The following TRIOBP variants were observed in gnomAD, a reference collection of about 807,000 sequenced individuals.
TRIOBP encodes TRIO and F-actin binding protein.
TRIOBP carries 169 observed loss-of-function variants against 238.8 expected under a neutral mutation model. The observed-to-expected ratio is 0.71, with a 90% CI of 0.62 to 0.80. The LOEUF (loss-of-function observed/expected upper bound fraction) is 0.80, where lower values mean the gene tolerates loss of function less well. Ranked by LOEUF, TRIOBP falls within the 30% of genes least tolerant of loss-of-function variation. The probability of loss-of-function intolerance (pLI) is 0.00; values close to 1 mark genes in which losing one functional copy is unlikely to be tolerated. For missense variants in TRIOBP, 2,838 were observed against 3,122.6 expected, an observed-to-expected ratio of 0.91 and a Z score of 2.17; for synonymous variants, 1,150 against 1,274.4, an observed-to-expected ratio of 0.90 and a Z score of 2.08.
At chr22:37,729,277 G>A (rs982146443) in intron 7 of TRIOBP, among the ~76,000 whole-genome samples, 3 of 151,478 alleles carry the variant, frequency 2.0e-5, no homozygotes, top group African/African-American at 2.4e-5. Flanking sequence ...GTGCAGTGGC[G>A]TGATCATGGC....
Position 37,775,668 on chromosome 22 carries a change from T to G in TRIOBP, c.*1888T>G, listed in dbSNP as rs1431548091. On this transcript the variant is annotated 3_prime_UTR_variant, in exon 24 of 24. Transcript: ENST00000644935. The stretch of plus-strand genomic sequence containing the variant: ...CAGACGTGGTGCCAAGCACCTGTAA[T>G]CCCAGCTACTCAGGAGGCTGAGGCA... 6.6e-6 allele frequency: 1 copy of G among 152,062 alleles called. No individual in the cohort carries two copies. The highest frequency in any genetic ancestry group is 1.9e-4 in the East Asian group (1 of 5,178). The allele number at this position is 152,062 out of a possible 1,614,324, so 9.4% of individuals were successfully genotyped here.
Position 37,710,443 on chromosome 22 carries a change from C to T in TRIOBP, c.131C>T (p.Ser44Leu). The T allele has an allele frequency of 2.5e-6, 4 of 1,613,600 alleles. No homozygotes were observed. The highest frequency in any genetic ancestry group is 3.4e-6 in the Non-Finnish European group (4 of 1,180,016). ...CTGGCCCAGGAGCTCAGGAGCCCTTCAGGTGCTGAGGTGCCCTACTGCGAC... is the reference window on the plus strand; with the variant it reads ...CTGGCCCAGGAGCTCAGGAGCCCTTTAGGTGCTGAGGTGCCCTACTGCGAC... The part of the protein sequence containing the change: ...GARYQELRSP[S>L]GAEVPYCDLP... The change falls in exon 4 of 24, where the codon TCA (serine) becomes TTA (leucine). Residue 44 changes from serine (S) to leucine (L), a missense_variant. Around this residue, in one of 5 missense-constraint regions of TRIOBP, gnomAD observed 535 missense variants for 537.3 expected, o/e 1.00. Coordinates refer to ENST00000644935, the MANE Select transcript of TRIOBP (RefSeq NM_001039141.3).
chr22:37,707,445 G>T (rs560101450), intron 3 of TRIOBP, among the ~76,000 whole-genome samples: 1 of 151,976 alleles, frequency 6.6e-6, no homozygotes, highest in Non-Finnish European at 1.5e-5. Flanking sequence ...ACCCTCAGAT[G>T]CTGCTGCTGG....
chr22:37,765,708 G>C lies in TRIOBP; in HGVS notation c.6363G>C (p.Ser2121=), dbSNP rs372703303. The change falls in exon 18 of 24, where the codon TCG becomes TCC. Residue 2121 remains serine (S), a synonymous_variant. Coordinates refer to ENST00000644935, the MANE Select transcript of TRIOBP (RefSeq NM_001039141.3). ...GCAGCCTGGCAGAGATGGAGTCCTC[G>C]CACCAGCAGGTGATGGAGGAGCTGC... ...CERSLAEMES[S]HQQVMEELQR... is the part of the protein sequence containing the mutation. 6 of 1,555,444 alleles carry C rather than the reference G, an allele frequency of 3.9e-6. No homozygotes were observed. Among genetic ancestry groups the C allele is most frequent in the Non-Finnish European group, 2.6e-6 (3 of 1,150,396 alleles).
intron 12 of TRIOBP, among the ~76,000 whole-genome samples, chr22:37,752,759 G>A (rs1206531514): frequency 6.6e-6 from 1 of 152,144 alleles, no homozygotes; most frequent in Non-Finnish European, 1.5e-5. Context: ...GGTCCCCGGA[G>A]GGCAGAGGGA....
rs780752318 is a variant in TRIOBP, at chr22:37,758,039, G to A, written c.6114G>A (p.Leu2038=). The A allele has an allele frequency of 6.2e-7, 1 of 1,611,910 alleles. No individual in the cohort carries two copies. Among genetic ancestry groups the A allele is most frequent in the Non-Finnish European group, 8.5e-7 (1 of 1,179,658 alleles). The change falls in exon 16 of 24, where the codon CTG becomes CTA. Residue 2038 remains leucine, a synonymous_variant. Coordinates refer to ENST00000644935, the MANE Select transcript of TRIOBP (RefSeq NM_001039141.3). ...GGCAGGAGCTGGAGAAGCTGCCCCT[G>A]CGGGAGAATAAGCGGGTGCCCCTCA... ...KKWQELEKLP[L]RENKRVPLTA...
intron 11 of TRIOBP, among the ~76,000 whole-genome samples, chr22:37,747,084 C>A (rs951970626): frequency 6.6e-6 from 1 of 152,188 alleles, no homozygotes; most frequent in East Asian, 1.9e-4. Context: ...GTTTGCCTTT[C>A]TCATGGGGGT....
At position 37,726,498 on chromosome 22, in the gene TRIOBP, G is replaced by C. The variant is rs529894952; in HGVS notation, c.3942G>C (p.Glu1314Asp). ...AGGTGGAGCGCCTCTTCGGGCAAGA[G>C]CGCAGGTGAGCCCGGGGGTGGGGTC... ...RAEVERLFGQ[E>D]RRKSEAAGAF... The change falls in exon 7 of 24, where the codon GAG (glutamate) becomes GAC (aspartate). Residue 1314 changes from glutamate to aspartate, a missense_variant. By Grantham distance (45) the Glu-to-Asp change is conservative. This residue lies in a region of TRIOBP where 2,096 missense variants were observed against 2,137.4 expected (regional missense o/e 0.98). Transcript: ENST00000644935. 6.0e-4 allele frequency: 895 copies of C among 1,503,820 alleles called. 1 individual carries two copies. Among genetic ancestry groups the C allele is most frequent in the Non-Finnish European group, 7.5e-4 (850 of 1,132,392 alleles). The allele number at this position is 1,503,820 out of a possible 1,614,324, so 93.2% of individuals were successfully genotyped here.
At chr22:37,735,531 C>T in intron 9 of TRIOBP, 89 bp downstream of exon 9, 1 of 1,448,018 alleles carries the variant, frequency 6.9e-7, no homozygotes, top group Non-Finnish European at 9.4e-7. Flanking sequence ...TTGGAGTAGC[C>T]TAAGCTCCTG....
Position 37,755,564 on chromosome 22 carries a change from C to T in TRIOBP, c.5592C>T (p.Val1864=). 4 of 1,614,026 alleles carry T rather than the reference C, an allele frequency of 2.5e-6. No individual in the cohort carries two copies. Among genetic ancestry groups the T allele is most frequent in the Non-Finnish European group, 3.4e-6 (4 of 1,180,030 alleles). ...YGFQIHTKDA[V]YTLSAMTSGI... ...TGGCCTTGCAGACCAAGGATGCTGT[C>T]TATACCTTGTCGGCCATGACCTCAG... The change falls in exon 15 of 24, where the codon GTC becomes GTT. Residue 1864 remains valine, a synonymous_variant. Transcript: ENST00000644935.
chr22:37,716,456 G>A (rs1466643855), intron 6 of TRIOBP, among the ~76,000 whole-genome samples: 2 of 151,922 alleles, frequency 1.3e-5, no homozygotes, highest in African/African-American at 2.4e-5. Context: ...TGAGATAAGA[G>A]TCTCACACTG....
chr22:37,720,070 C>T (rs1601628092), intron 6 of TRIOBP, among the ~76,000 whole-genome samples: 1 of 128,286 alleles, frequency 7.8e-6, no homozygotes, highest in Non-Finnish European at 1.6e-5. Flanking sequence ...AGTACAATGG[C>T]GCAGTCTCGG....
At chr22:37,754,392 C>T (rs969004030) in intron 12 of TRIOBP, among the ~76,000 whole-genome samples, 1 of 116,252 alleles carries the variant, frequency 8.6e-6, no homozygotes, top group Admixed American at 1.1e-4. Context: ...CCAGCCTGGG[C>T]AACAAGAGCA....
chr22:37,761,680 G>GCA (rs1926250297), intron 17 of TRIOBP, among the ~76,000 whole-genome samples: 1 of 152,126 alleles, frequency 6.6e-6, no homozygotes, highest in African/African-American at 2.4e-5. Context: ...AGGGGCCTTT[G>GCA]GGGGCCCTGA....
chr22:37,771,295 A>G (rs1209511429), intron 21 of TRIOBP, among the ~76,000 whole-genome samples: 2 of 151,964 alleles, frequency 1.3e-5, no homozygotes, highest in Non-Finnish European at 2.9e-5. Flanking sequence ...GGGGTTGGGG[A>G]GGGGTTAATG....
At chr22:37,744,185 T>C (rs1251835680) in intron 11 of TRIOBP, among the ~76,000 whole-genome samples, 3 of 151,860 alleles carry the variant, frequency 2.0e-5, no homozygotes, top group Non-Finnish European at 2.9e-5. Flanking sequence ...ATTTTTTGTA[T>C]TTTTACCAGA....
At chr22:37,737,613 A>C (rs1361372648) in intron 9 of TRIOBP, among the ~76,000 whole-genome samples, 1 of 148,196 alleles carries the variant, frequency 6.7e-6, no homozygotes, top group Non-Finnish European at 1.5e-5. Context: ...GTGAGCCGAG[A>C]TCACGCCACT....
intron 6 of TRIOBP, among the ~76,000 whole-genome samples, chr22:37,722,929 C>T (rs1923907610): frequency 6.6e-6 from 1 of 152,202 alleles, no homozygotes; most frequent in Non-Finnish European, 1.5e-5. Flanking sequence ...TGTGGCCTTC[C>T]AGTTCTTGAA....
chr22:37,765,930 A>G, intron 18 of TRIOBP, 113 bp downstream of exon 18: 1 of 1,369,410 alleles, frequency 7.3e-7, no homozygotes. Context: ...TCTCAGTGCC[A>G]CATTTGGGGT....
Sources: allele counts gnomAD v4.1 joint callset (sites outside exome capture counted in the v4.1 genomes callset), GRCh38; gene constraint gnomAD v4.1.1; regional missense constraint gnomAD v4.1.1; transcripts MANE v1.5; gene names NCBI Gene and HGNC (gene_info 2026-07-23, HGNC 2026-07-21).